The following PRORP variants were observed in gnomAD, a reference collection of about 807,000 sequenced individuals.
The protein encoded by PRORP is mitochondrial ribonuclease P catalytic subunit.
Under a neutral mutation model 59.4 loss-of-function variants are expected in PRORP, and 51 were observed. The observed-to-expected ratio is 0.86, with a 90% confidence interval of 0.69 to 1.08. The LOEUF (loss-of-function observed/expected upper bound fraction) is 1.08, where lower values mean the gene tolerates loss of function less well. Ranked by LOEUF, PRORP falls within the 50% of genes least tolerant of loss-of-function variation. PRORP has a pLI of 0.00. For synonymous variants in PRORP, 231 were observed against 245.6 expected (o/e 0.94, Z 0.55); for missense variants, 646 against 690.3 (o/e 0.94, Z 0.72).
At position 35,143,623 on chromosome 14, in the gene PRORP, CAGAT is replaced by C. The variant is rs1206508483; in HGVS notation, c.1167+16015_1167+16018del. 5.5e-5 allele frequency among the ~76,000 whole-genome samples: 8 copies of C among 145,104 alleles called. 2 individuals are homozygous for C. The East Asian group carries it at 9.3e-4, about 17-fold the overall frequency. On this transcript the variant is annotated intron_variant, in intron 4 of 7. Coordinates refer to ENST00000534898, the MANE Select transcript of PRORP (RefSeq NM_014672.4). ...TTAAATAATATGGCTTAATAAAAGA[CAGAT>C]AGTTTTTGTTTGTTTGTTTGTTTGT...
intron 4 of PRORP, among the ~76,000 whole-genome samples, chr14:35,157,057 G>A (rs778192492): frequency 4.7e-4 from 70 of 150,232 alleles, no homozygotes; most frequent in Non-Finnish European, 2.7e-4. Context: ...CTGGGTTCAC[G>A]CCATTCTCCT....
chr14:35,147,200 C>T (rs937594190), intron 4 of PRORP, among the ~76,000 whole-genome samples: 2 of 152,092 alleles, frequency 1.3e-5, no homozygotes, highest in Non-Finnish European at 2.9e-5. Flanking sequence ...TTTAAAAATA[C>T]CTTATTGCTA....
At chr14:35,257,709 G>T (rs1046900557) in intron 5 of PRORP, among the ~76,000 whole-genome samples, 2 of 152,100 alleles carry the variant, frequency 1.3e-5, no homozygotes, top group African/African-American at 4.8e-5. Context: ...ATCTTGCTGA[G>T]GAACAGACGA....
At chr14:35,272,598 T>C (rs567209925) in intron 7 of PRORP, among the ~76,000 whole-genome samples, 34 of 152,324 alleles carry the variant, frequency 2.2e-4, no homozygotes, top group African/African-American at 8.2e-4. Context: ...ATTTATAAAA[T>C]AAGACCTTAT....
Position 35,234,192 on chromosome 14 carries a change from T to C in PRORP, c.1276-32535T>C, listed in dbSNP as rs372817531. Reference sequence around the variant, plus strand: ...GAGAAGTATGTTTACTTGCACGTCATTGTAGTTGAAATCAGATGGAAAGGT... The same window carrying C: ...GAGAAGTATGTTTACTTGCACGTCACTGTAGTTGAAATCAGATGGAAAGGT... On this transcript the variant is annotated intron_variant, in intron 5 of 7. Transcript: ENST00000534898. 7.2e-5 allele frequency among the ~76,000 whole-genome samples: 11 copies of C among 152,326 alleles called. No homozygotes were observed. In the East Asian group the frequency reaches 9.6e-4, roughly 13 times the overall value.
intron 3 of PRORP, 147 bp downstream of exon 3, chr14:35,126,929 A>C (rs1046832167): frequency 1.5e-6 from 1 of 646,620 alleles, no homozygotes; most frequent in Non-Finnish European, 2.7e-6. Context: ...CATACTTTGC[A>C]TACAGAGACT....
chr14:35,260,320 C>T (rs780580045), intron 5 of PRORP, among the ~76,000 whole-genome samples: 1 of 152,120 alleles, frequency 6.6e-6, no homozygotes, highest in Non-Finnish European at 1.5e-5. Context: ...CTGTATTAGG[C>T]TGACTTGACC....
chr14:35,221,198 A>T (rs2049770763), intron 5 of PRORP, among the ~76,000 whole-genome samples: 1 of 152,220 alleles, frequency 6.6e-6, no homozygotes, highest in Non-Finnish European at 1.5e-5. Context: ...TAGGGTGAGG[A>T]GAGTGAGCCA....
chr14:35,265,064 C>T lies in PRORP; in HGVS notation c.1276-1663C>T, dbSNP rs8008056. ...TTCATTATTAGATCATCAGAGTCAA[C>T]GTGTATATTGGATATAACAGGTACG... On this transcript the variant is annotated intron_variant, in intron 5 of 7. Coordinates refer to ENST00000534898, the MANE Select transcript of PRORP (RefSeq NM_014672.4). Among the ~76,000 whole-genome samples, 3 of 152,242 alleles carry T rather than the reference C, an allele frequency of 2.0e-5. No individual in the cohort carries two copies. In the South Asian group the frequency reaches 6.2e-4, roughly 32 times the overall value.
intron 5 of PRORP, among the ~76,000 whole-genome samples, chr14:35,260,062 A>G (rs1293939742): frequency 5.9e-5 from 7 of 117,656 alleles, no homozygotes; most frequent in Non-Finnish European, 8.0e-5. Context: ...CGCAGGCTGG[A>G]GTGCAGTGGC....
At chr14:35,151,639 T>TACACACACACACACACAC (rs55940352) in intron 4 of PRORP, among the ~76,000 whole-genome samples, 7 of 141,724 alleles carry the variant, frequency 4.9e-5, no homozygotes, top group South Asian at 2.3e-4. Context: ...CACACACACA[T>TACACACACACACACACAC]ACACACACAC....
At chr14:35,155,964 C>A (rs928869823) in intron 4 of PRORP, among the ~76,000 whole-genome samples, 3 of 152,154 alleles carry the variant, frequency 2.0e-5, no homozygotes, top group Non-Finnish European at 1.5e-5. Flanking sequence ...TCCTACTGTA[C>A]TGCATTGTTT....
intron 5 of PRORP, among the ~76,000 whole-genome samples, chr14:35,216,313 G>A (rs10151121): frequency 2.9e-4 from 43 of 148,976 alleles, no homozygotes; most frequent in Non-Finnish European, 4.6e-4. Context: ...GGTTTTTTTT[G>A]TTGTTGTTGT....
At chr14:35,233,187 A>G (rs1310553852) in intron 5 of PRORP, among the ~76,000 whole-genome samples, 1 of 150,622 alleles carries the variant, frequency 6.6e-6, no homozygotes, top group African/African-American at 2.4e-5. Flanking sequence ...GGATACACCA[A>G]TGAATTAAGT....
At chr14:35,192,001 A>G (rs1595277920) in intron 5 of PRORP, among the ~76,000 whole-genome samples, 1 of 152,136 alleles carries the variant, frequency 6.6e-6, no homozygotes, top group East Asian at 1.9e-4. Context: ...ATCATCTCTC[A>G]CCAAAACTCC....
intron 5 of PRORP, among the ~76,000 whole-genome samples, chr14:35,253,361 GAA>G (rs2050663374): frequency 7.2e-6 from 1 of 138,690 alleles, no homozygotes; most frequent in African/African-American, 2.7e-5. Context: ...GAGAGAGAAA[GAA>G]AGAAAGAAAG....
rs138842527 is a variant in PRORP at position 35,203,946 on chromosome 14, A to T, written c.1275+23169A>T. 8.4e-3 allele frequency among the ~76,000 whole-genome samples: 1,283 copies of T among 152,370 alleles called. 24 individuals are homozygous for T. Among genetic ancestry groups the T allele is most frequent in the South Asian group, 0.061 (294 of 4,832 alleles). On this transcript the variant is annotated intron_variant, in intron 5 of 7. Coordinates refer to ENST00000534898, the MANE Select transcript of PRORP (RefSeq NM_014672.4). ...ACAACAAAAATTCTCCTTTGAAGATAAAGCAAGAACATCCTAAGGTTATTT... is the reference window on the plus strand; with the variant it reads ...ACAACAAAAATTCTCCTTTGAAGATTAAGCAAGAACATCCTAAGGTTATTT...
rs936328868 is a variant in PRORP at position 35,136,496 on chromosome 14, G to A, written c.1167+8885G>A. The stretch of plus-strand genomic sequence containing the variant: ...TTTAAGCAATTCTCCTGTCTCAGCC[G>A]CCTGAGTAGCTGGGATTACAGGCAT... On this transcript the variant is annotated intron_variant, in intron 4 of 7. Transcript: ENST00000534898. Among the ~76,000 whole-genome samples, 7 of 142,192 alleles carry A rather than the reference G, an allele frequency of 4.9e-5. 1 individual carries two copies. The highest frequency in any genetic ancestry group is 1.5e-4 in the Admixed American group (2 of 13,542). 93.3% of individuals were successfully genotyped at this position (142,192 alleles called of 152,430 possible).
chr14:35,226,058 A>G (rs1595344211), intron 5 of PRORP, among the ~76,000 whole-genome samples: 1 of 152,180 alleles, frequency 6.6e-6, no homozygotes. Context: ...TGTATATTTT[A>G]CTATAGTTGG....
Sources: allele counts gnomAD v4.1 joint callset (sites outside exome capture counted in the v4.1 genomes callset), GRCh38; gene constraint gnomAD v4.1.1; transcripts MANE v1.5; gene names NCBI Gene and HGNC (gene_info 2026-07-23, HGNC 2026-07-21).